The following GPR137B variants were observed in gnomAD, a reference collection of about 807,000 sequenced individuals.
GPR137B encodes the protein integral membrane protein GPR137B.
A neutral mutation model predicts 42.5 loss-of-function variants in GPR137B; 42 were observed. The ratio of observed to expected loss-of-function variants is 0.99; its 90% CI spans 0.77 to 1.28. The LOEUF (loss-of-function observed/expected upper bound fraction) is 1.28. Among genes scored for constraint, GPR137B ranks in the 50% most tolerant of loss-of-function variants. The pLI, the probability that GPR137B is intolerant of heterozygous loss-of-function variation, is 0.00. For synonymous variants in GPR137B, 218 were observed against 209.7 expected, an observed-to-expected ratio of 1.04 and a Z score of -0.34; for missense variants, 487 against 493.9, an observed-to-expected ratio of 0.99 and a Z score of 0.13.
At chr1:236,207,205 C>CAGAT (rs1352507909) in intron 6 of GPR137B, 3 of 984,668 alleles carry the variant, frequency 3.0e-6, no homozygotes, top group African/African-American at 3.5e-5. Context: ...AAATCCTGGT[C>CAGAT]AGATAGGATA....
At chr1:236,153,312 A>T (rs969503921) in intron 1 of GPR137B, among the ~76,000 whole-genome samples, 4 of 152,144 alleles carry the variant, frequency 2.6e-5, no homozygotes, top group African/African-American at 9.7e-5. Flanking sequence ...GCAGCCACCC[A>T]TCTGCTTTCT....
intron 2 of GPR137B, 73 bp from the exon 3 acceptor site, chr1:236,178,341 C>A: frequency 2.2e-6 from 2 of 893,424 alleles, no homozygotes; most frequent in Non-Finnish European, 1.9e-6. Context: ...TAGCAGTTCA[C>A]CAAAACACAT....
At chr1:236,160,782 A>AG (rs887922648) in intron 1 of GPR137B, among the ~76,000 whole-genome samples, 4 of 151,962 alleles carry the variant, frequency 2.6e-5, no homozygotes, top group African/African-American at 9.7e-5. Context: ...GAAGTGGTCC[A>AG]GCCTGTCAGC....
intron 2 of GPR137B, among the ~76,000 whole-genome samples, chr1:236,177,308 G>C (rs1185219423): frequency 6.6e-6 from 1 of 151,980 alleles, no homozygotes; most frequent in African/African-American, 2.4e-5. Flanking sequence ...GCCCCTCTCT[G>C]TCTCTTTTTC....
rs1052874366 is a variant in GPR137B at position 236,160,992 on chromosome 1, A to G, written c.415-7714A>G. 3.3e-5 allele frequency among the ~76,000 whole-genome samples: 5 copies of G among 151,892 alleles called. No individual in the cohort carries two copies. The East Asian group carries it at 7.7e-4, about 23-fold the overall frequency. On this transcript the variant is annotated intron_variant, in intron 1 of 6. Transcript: ENST00000366592. The stretch of plus-strand genomic sequence containing the variant: ...CTGTCCCCATCTCGAAGTGTACCAC[A>G]TTCAGAGTTGCGCAGTGACCCCACA...
intron 5 of GPR137B, among the ~76,000 whole-genome samples, chr1:236,186,160 G>T (rs1175644309): frequency 7.7e-6 from 1 of 130,034 alleles, no homozygotes; most frequent in African/African-American, 2.9e-5. Flanking sequence ...ACCACATTTT[G>T]CTTACCCATT....
chr1:236,207,480 C>CT (rs1663696683), intron 6 of GPR137B, among the ~76,000 whole-genome samples: 1 of 152,192 alleles, frequency 6.6e-6, no homozygotes, highest in South Asian at 2.1e-4. Flanking sequence ...CCAGAAATGA[C>CT]TTAGAGCTGA....
chr1:236,162,634 T>A (rs1340789311), intron 1 of GPR137B, among the ~76,000 whole-genome samples: 2 of 152,214 alleles, frequency 1.3e-5, no homozygotes, highest in East Asian at 3.9e-4. Flanking sequence ...GCTCCAGCCA[T>A]GGCTGAAAGG....
Position 236,171,306 on chromosome 1 carries a change from A to T in GPR137B, c.464+2551A>T, listed in dbSNP as rs558200819. 2.6e-5 allele frequency among the ~76,000 whole-genome samples: 4 copies of T among 152,200 alleles called. No individual in the cohort carries two copies. The highest frequency in any genetic ancestry group is 5.9e-5 in the Non-Finnish European group (4 of 68,036). ...CAACCTGTATAAAGTACAAGTAGAC[A>T]GTTCCCTCTCTTCTCCAGTAACAAG... is the stretch of plus-strand genomic sequence containing the variant. On this transcript the variant is annotated intron_variant, in intron 2 of 6. Coordinates refer to ENST00000366592, the MANE Select transcript of GPR137B (RefSeq NM_003272.4). This position sits in a 1 kb window ranked among gnomAD's most constrained non-coding sequence, Gnocchi z 4.4.
Position 236,150,089 on chromosome 1 carries a change from ATG to A in GPR137B, c.414+7061_414+7062del, listed in dbSNP as rs893408152. On this transcript the variant is annotated intron_variant, in intron 1 of 6. Transcript: ENST00000366592. The surrounding 1 kb of genome is among the most constrained non-coding windows in gnomAD (Gnocchi z 6.2). ...TGTGTGGGTCTCTGAGTGTCTGTGC[ATG>A]TGTGTGTCTGTGCCTGTGTATGTCT... is the stretch of plus-strand genomic sequence containing the variant. 1.5e-4 allele frequency among the ~76,000 whole-genome samples: 19 copies of A among 125,848 alleles called. No individual in the cohort carries two copies. The highest frequency in any genetic ancestry group is 2.4e-4 in the Admixed American group (3 of 12,360). 82.6% of individuals were successfully genotyped at this position (125,848 alleles called of 152,430 possible).
chr1:236,148,487 T>C (rs1400223055), intron 1 of GPR137B, among the ~76,000 whole-genome samples: 1 of 152,108 alleles, frequency 6.6e-6, no homozygotes, highest in Non-Finnish European at 1.5e-5. Flanking sequence ...TGCAGTCACA[T>C]GGTTTGCGGA....
intron 2 of GPR137B, among the ~76,000 whole-genome samples, chr1:236,173,118 TC>T (rs1662592504): frequency 6.6e-6 from 1 of 150,962 alleles, no homozygotes; most frequent in Non-Finnish European, 1.5e-5. Flanking sequence ...CAGAGCAAGA[TC>T]CCATCTCTAC....
At position 236,179,923 on chromosome 1, in the gene GPR137B, A is replaced by G. The variant is rs1394622892; in HGVS notation, c.732A>G (p.Ile244Met). 1 of 1,607,498 alleles carries G rather than the reference A, an allele frequency of 6.2e-7. No homozygotes were observed. Among genetic ancestry groups the G allele is most frequent in the South Asian group, 1.1e-5 (1 of 89,806 alleles). ...TGACTGCCATCGGTGTCACCGTGAT[A>G]CTGCTTTACACCTCTCGGGCCTGCT... ...CQVTAIGVTV[I>M]LLYTSRACYN... The change falls in exon 4 of 7, where the codon ATA becomes ATG. Residue 244 changes from isoleucine (I) to methionine (M), a missense_variant. Transcript: ENST00000366592.
At chr1:236,197,910 G>A (rs1263220961) in intron 5 of GPR137B, among the ~76,000 whole-genome samples, 5 of 152,052 alleles carry the variant, frequency 3.3e-5, no homozygotes, top group Non-Finnish European at 7.4e-5. Context: ...TAGTAGAGAC[G>A]AGGTTTCACT....
intron 2 of GPR137B, among the ~76,000 whole-genome samples, chr1:236,173,613 A>G (rs558204680): frequency 3.8e-4 from 58 of 152,270 alleles, no homozygotes; most frequent in African/African-American, 1.1e-3. Flanking sequence ...TTCTGGTCCC[A>G]CAAGCAATGT....
intron 1 of GPR137B, among the ~76,000 whole-genome samples, chr1:236,164,927 G>A: frequency 6.6e-6 from 1 of 150,840 alleles, no homozygotes; most frequent in Admixed American, 6.6e-5. Flanking sequence ...AGAGATGGAT[G>A]GAGTTTTGCT....
intron 1 of GPR137B, among the ~76,000 whole-genome samples, chr1:236,148,904 TC>T (rs1183389373): frequency 6.6e-6 from 1 of 152,012 alleles, no homozygotes; most frequent in African/African-American, 2.4e-5. Context: ...CCAGTGTGGG[TC>T]CCATGGCTGG....
chr1:236,206,692 A>G (rs932438650), intron 6 of GPR137B, among the ~76,000 whole-genome samples: 1 of 152,232 alleles, frequency 6.6e-6, no homozygotes, highest in Non-Finnish European at 1.5e-5. Flanking sequence ...TTACCTCAGC[A>G]TGGGCATGGT....
At chr1:236,196,360 G>A (rs1353180161) in intron 5 of GPR137B, among the ~76,000 whole-genome samples, 1 of 152,036 alleles carries the variant, frequency 6.6e-6, no homozygotes, top group Admixed American at 6.6e-5. Flanking sequence ...GCCTGGTCTC[G>A]AACTCCTGAC....
Sources: gnomAD v4.1 joint callset for allele counts (sites outside exome capture counted in the v4.1 genomes callset) on GRCh38, gnomAD v4.1.1 for gene constraint, Gnocchi (gnomAD v3.1) non-coding constraint, MANE v1.5 for transcripts, NCBI Gene and HGNC (gene_info 2026-07-23, HGNC 2026-07-21) for gene names.